The following ZNF705G variants were observed in gnomAD, a reference collection of about 807,000 sequenced individuals.
The protein encoded by ZNF705G is zinc finger protein 705G.
Under a neutral mutation model 19.6 loss-of-function variants are expected in ZNF705G, and 23 were observed. That is an observed-to-expected ratio of 1.17 (90% CI 0.84 to 1.66). The LOEUF (loss-of-function observed/expected upper bound fraction) is 1.66, where lower values mean the gene tolerates loss of function less well. ZNF705G is among the 40% of genes most tolerant of loss of function. The pLI is 0.00. For synonymous variants in ZNF705G, 146 were observed against 117.7 expected (o/e 1.24, Z -1.56); for missense variants, 457 against 354.4 (o/e 1.29, Z -2.32).
intron 2 of ZNF705G, among the ~76,000 whole-genome samples, chr8:7,365,424 G>A (rs1186535656): frequency 7.0e-6 from 1 of 143,228 alleles, no homozygotes; most frequent in Non-Finnish European, 1.5e-5. Context: ...TGTTGCCCAG[G>A]CTGGAGTGCA....
intron 2 of ZNF705G, among the ~76,000 whole-genome samples, chr8:7,370,128 G>T (rs577005688): frequency 1.8e-4 from 26 of 148,026 alleles, no homozygotes; most frequent in Non-Finnish European, 3.5e-4. Context: ...AAAATTAGCT[G>T]GGCATGGTGC....
chr8:7,379,766 G>A (rs1368590731), intron 2 of ZNF705G, among the ~76,000 whole-genome samples: 1 of 147,216 alleles, frequency 6.8e-6, no homozygotes, highest in Non-Finnish European at 1.5e-5. Context: ...GACTGCTATA[G>A]GGAGCTGCCT....
At chr8:7,359,396 A>T (rs1173443017) in intron 6 of ZNF705G, among the ~76,000 whole-genome samples, 2 of 149,780 alleles carry the variant, frequency 1.3e-5, no homozygotes, top group Non-Finnish European at 1.5e-5. Flanking sequence ...ATGACTGGGC[A>T]TGAGCAATGT....
rs1255009480 is a variant in ZNF705G, at chr8:7,382,587, G to T, written c.-221-986C>A. 3.4e-5 allele frequency among the ~76,000 whole-genome samples: 5 copies of T among 146,002 alleles called. 1 individual carries two copies. Among genetic ancestry groups the T allele is most frequent in the African/African-American group, 8.4e-5 (3 of 35,674 alleles). Reference sequence around the variant, plus strand: ...TTCTATAAAAAAGTTTATTTTTAATGCCAGACCATGTAAGGGCAGCTATTT... The same window carrying T: ...TTCTATAAAAAAGTTTATTTTTAATTCCAGACCATGTAAGGGCAGCTATTT... On this transcript the variant is annotated intron_variant, in intron 1 of 6. Coordinates refer to ENST00000400156, the MANE Select transcript of ZNF705G (RefSeq NM_001164457.3).
rs192646690 is a variant in ZNF705G at position 7,361,524 on chromosome 8, A to T, written c.13-288T>A. Among the ~76,000 whole-genome samples the T allele has an allele frequency of 4.5e-3, 681 of 149,780 alleles. 6 individuals carry two copies. Among genetic ancestry groups the T allele is most frequent in the Middle Eastern group, 0.01 (3 of 292 alleles). On this transcript the variant is annotated intron_variant, in intron 3 of 6. Coordinates refer to ENST00000400156, the MANE Select transcript of ZNF705G (RefSeq NM_001164457.3). ...TGTGTTAATCACCTCTACATAACTG[A>T]TTATAAAATTTTCACTTGAACATTC...
chr8:7,368,232 TA>T (rs1189532329), intron 2 of ZNF705G, among the ~76,000 whole-genome samples: 1 of 149,654 alleles, frequency 6.7e-6, no homozygotes, highest in African/African-American at 2.6e-5. Context: ...AGACTACTAC[TA>T]AAAACCCTCA....
In ZNF705G at chr8:7,356,300, T is replaced by G. The variant is rs1485497021; in HGVS notation, c.*1676A>C. On this transcript the variant is annotated 3_prime_UTR_variant, in exon 7 of 7. Coordinates refer to ENST00000400156, the MANE Select transcript of ZNF705G (RefSeq NM_001164457.3). ...TAAAAGGAGCACAGCTGTGTCTGTCTCTGTGTAATAACTCAGGACTTACCA... is the reference window on the plus strand; with the variant it reads ...TAAAAGGAGCACAGCTGTGTCTGTCGCTGTGTAATAACTCAGGACTTACCA... 6.7e-6 allele frequency: 1 copy of G among 149,630 alleles called. No individual in the cohort carries two copies. The highest frequency in any genetic ancestry group is 1.9e-4 in the East Asian group (1 of 5,180). The allele number at this position is 149,630 out of a possible 1,614,324, so 9.3% of individuals were successfully genotyped here.
At chr8:7,368,636 T>G (rs368438118) in intron 2 of ZNF705G, among the ~76,000 whole-genome samples, 1 of 149,798 alleles carries the variant, frequency 6.7e-6, no homozygotes, top group Non-Finnish European at 1.5e-5. Context: ...CAGATGCTAA[T>G]AGAAGAAAAT....
At chr8:7,380,996 A>T in intron 2 of ZNF705G, among the ~76,000 whole-genome samples, 1 of 97,148 alleles carries the variant, frequency 1.0e-5, no homozygotes, top group Non-Finnish European at 1.9e-5. Flanking sequence ...AGCCTGGCCT[A>T]CAGAGCTAGA....
intron 6 of ZNF705G, among the ~76,000 whole-genome samples, chr8:7,358,775 C>T (rs1307998117): frequency 1.3e-5 from 2 of 149,398 alleles, no homozygotes; most frequent in African/African-American, 5.1e-5. Context: ...ACAAACCTGC[C>T]TCCCCCTTCT....
rs558218627 is a variant in ZNF705G, at chr8:7,369,360, C to T, written c.-71-6343G>A. Among the ~76,000 whole-genome samples the T allele has an allele frequency of 2.2e-4, 33 of 149,490 alleles. No individual in the cohort carries two copies. The South Asian group carries it at 6.7e-3, about 30-fold the overall frequency. Reference sequence around the variant, plus strand: ...ATGGCAAATGTCTACTACAGCAGTGCAGAGGGAAAATGTGGCGTTGGAACC... The same window carrying T: ...ATGGCAAATGTCTACTACAGCAGTGTAGAGGGAAAATGTGGCGTTGGAACC... On this transcript the variant is annotated intron_variant, in intron 2 of 6. Transcript: ENST00000400156.
In ZNF705G at chr8:7,358,463, C is replaced by G. The variant is rs549978063; in HGVS notation, c.416G>C (p.Ser139Thr). ...TTTGCTGACATAGGGTTTCTTTCCACTATGAGTTAACAAACACTGAGTTAT... is the reference window on the plus strand; with the variant it reads ...TTTGCTGACATAGGGTTTCTTTCCAGTATGAGTTAACAAACACTGAGTTAT... The part of the protein sequence containing the change: ...STITQCLLTH[S>T]GKKPYVSKQC... The change falls in exon 7 of 7, where the codon AGT becomes ACT. Residue 139 changes from serine (S) to threonine (T), a missense_variant. Coordinates refer to ENST00000400156, the MANE Select transcript of ZNF705G (RefSeq NM_001164457.3). 1.9e-6 allele frequency: 3 copies of G among 1,607,698 alleles called. No homozygotes were observed. Among genetic ancestry groups the G allele is most frequent in the East Asian group, 4.5e-5 (2 of 44,864 alleles).
At chr8:7,369,450 A>T (rs1280346956) in intron 2 of ZNF705G, among the ~76,000 whole-genome samples, 1 of 149,430 alleles carries the variant, frequency 6.7e-6, no homozygotes, top group Non-Finnish European at 1.5e-5. Flanking sequence ...CATCCTCCAG[A>T]CCCGAGAATG....
At chr8:7,363,483 T>G (rs1287870807) in intron 2 of ZNF705G, among the ~76,000 whole-genome samples, 1 of 149,306 alleles carries the variant, frequency 6.7e-6, no homozygotes, top group Non-Finnish European at 1.5e-5. Flanking sequence ...CACTCAACTC[T>G]GACTTTTGTA....
At chr8:7,366,036 G>A (rs1330718342) in intron 2 of ZNF705G, among the ~76,000 whole-genome samples, 1 of 149,564 alleles carries the variant, frequency 6.7e-6, no homozygotes, top group African/African-American at 2.6e-5. Context: ...TAGGGAAACA[G>A]CAGCTGACAT....
At chr8:7,369,530 C>A (rs1807004345) in intron 2 of ZNF705G, among the ~76,000 whole-genome samples, 1 of 149,550 alleles carries the variant, frequency 6.7e-6, no homozygotes, top group Non-Finnish European at 1.5e-5. Flanking sequence ...CCCTTGACAG[C>A]AGCCATGGGG....
In ZNF705G at chr8:7,382,921, T is replaced by C. The variant is rs561235420; in HGVS notation, c.-221-1320A>G. Reference sequence around the variant, plus strand: ...AGAGTACATTGTACCTAATAGGTAGTTTTGTATTCCTAGCCCTGCGGCCTT... The same window carrying C: ...AGAGTACATTGTACCTAATAGGTAGCTTTGTATTCCTAGCCCTGCGGCCTT... On this transcript the variant is annotated intron_variant, in intron 1 of 6. Coordinates refer to ENST00000400156, the MANE Select transcript of ZNF705G (RefSeq NM_001164457.3). Among the ~76,000 whole-genome samples the C allele has an allele frequency of 1.9e-4, 28 of 147,342 alleles. No individual in the cohort carries two copies. The South Asian group carries it at 5.9e-3, about 31-fold the overall frequency.
chr8:7,381,606 GA>G lies in ZNF705G; in HGVS notation c.-221-6del, dbSNP rs1188420340. On this transcript the variant is annotated splice_polypyrimidine_tract_variant and splice_region_variant and intron_variant, in intron 1 of 6. Transcript: ENST00000400156. ...CAATTGAGGAGGACAAGTGATCTGG[GA>G]ATGAGTTTGAATTCAGCTGGGAAAC... is the stretch of plus-strand genomic sequence containing the variant. 1.4e-5 allele frequency: 2 copies of G among 144,824 alleles called. No individual in the cohort carries two copies. Among genetic ancestry groups the G allele is most frequent in the Non-Finnish European group, 3.0e-5 (2 of 67,582 alleles). 9.0% of individuals were successfully genotyped at this position (144,824 alleles called of 1,614,324 possible).
In ZNF705G at chr8:7,356,163, C is replaced by G. The variant is rs1408157362; in HGVS notation, c.*1813G>C. The G allele has an allele frequency of 6.7e-6, 1 of 149,394 alleles. No homozygotes were observed. 9.3% of individuals were successfully genotyped at this position (149,394 alleles called of 1,614,324 possible). ...GCAGAGGAGGGCCCCTCTGTGAGAACTTTCATTTTGCTTCAGGAAAAGTAC... is the reference window on the plus strand; with the variant it reads ...GCAGAGGAGGGCCCCTCTGTGAGAAGTTTCATTTTGCTTCAGGAAAAGTAC... On this transcript the variant is annotated 3_prime_UTR_variant, in exon 7 of 7. Coordinates refer to ENST00000400156, the MANE Select transcript of ZNF705G (RefSeq NM_001164457.3).
Sources: allele counts gnomAD v4.1 joint callset (sites outside exome capture counted in the v4.1 genomes callset), GRCh38; gene constraint gnomAD v4.1.1; transcripts MANE v1.5; gene names NCBI Gene and HGNC (gene_info 2026-07-23, HGNC 2026-07-21).